CRACDL: variants seen among roughly 807,000 people sequenced by gnomAD.
The protein encoded by CRACDL is CRACD like.
Under a neutral mutation model 70.6 loss-of-function variants are expected in CRACDL, and 26 were observed. That is an observed-to-expected ratio of 0.37 (90% confidence interval 0.27 to 0.51). The LOEUF is 0.51. Ranked by LOEUF, CRACDL falls within the 20% of genes least tolerant of loss-of-function variation. The pLI, the probability that CRACDL is intolerant of heterozygous loss-of-function variation, is 0.94. For missense variants in CRACDL, 1,283 were observed against 1,376.9 expected, an observed-to-expected ratio of 0.93 and a Z score of 1.08; for synonymous variants, 618 against 615.2, an observed-to-expected ratio of 1.00 and a Z score of -0.07.
intron 1 of CRACDL, chr2:98,868,963 C>A: frequency 2.2e-6 from 1 of 461,914 alleles, no homozygotes; most frequent in Non-Finnish European, 4.0e-6. Flanking sequence ...ACAGACGCTG[C>A]AGATTTATCC....
intron 2 of CRACDL, among the ~76,000 whole-genome samples, chr2:98,842,000 G>A (rs1466496871): frequency 6.6e-6 from 1 of 151,830 alleles, no homozygotes; most frequent in African/African-American, 2.4e-5. Flanking sequence ...ATCCTCTTTG[G>A]TTTTCTGCAG....
rs550892285 is a variant in CRACDL, at chr2:98,854,080, G to A, written c.-10-7270C>T. Reference sequence around the variant, plus strand: ...GGGTGGATCACGAGGTCAGGAGTTCGAGACCAGTCTGGCCAACATGGTGAA... The same window carrying A: ...GGGTGGATCACGAGGTCAGGAGTTCAAGACCAGTCTGGCCAACATGGTGAA... On this transcript the variant is annotated intron_variant, in intron 1 of 9. Transcript: ENST00000397899. 1.8e-3 allele frequency among the ~76,000 whole-genome samples: 267 copies of A among 151,998 alleles called. 2 individuals are homozygous for A. Among genetic ancestry groups the A allele is most frequent in the Admixed American group, 3.3e-3 (50 of 15,260 alleles).
intron 2 of CRACDL, among the ~76,000 whole-genome samples, chr2:98,845,269 C>T (rs1021585809): frequency 6.0e-5 from 9 of 151,144 alleles, no homozygotes; most frequent in African/African-American, 1.9e-4. Flanking sequence ...TAATCATGGC[C>T]CACTGTAGCA....
chr2:98,898,421 G>A (rs1423078489), intron 1 of CRACDL, among the ~76,000 whole-genome samples: 6 of 152,210 alleles, frequency 3.9e-5, no homozygotes, highest in East Asian at 1.9e-4. Context: ...GAGAAATGTC[G>A]CAGAAGTTCA....
At chr2:98,896,634 G>A (rs560942700) in intron 1 of CRACDL, among the ~76,000 whole-genome samples, 95 of 152,268 alleles carry the variant, frequency 6.2e-4, no homozygotes, top group Non-Finnish European at 1.2e-3. Context: ...CCCTAGGCTG[G>A]GGATGTGTTT....
At chr2:98,921,112 C>T (rs1455091063) in intron 1 of CRACDL, among the ~76,000 whole-genome samples, 1 of 152,242 alleles carries the variant, frequency 6.6e-6, no homozygotes, top group Non-Finnish European at 1.5e-5. Context: ...AGCCGATCCT[C>T]TCTCCCTTGG....
chr2:98,795,075 A>T (rs868266050), intron 9 of CRACDL, among the ~76,000 whole-genome samples: 3,298 of 24,354 alleles, frequency 0.14, 491 homozygotes, highest in African/African-American at 0.2. Flanking sequence ...ATATATATAT[A>T]TATTTTTTTT....
intron 1 of CRACDL, among the ~76,000 whole-genome samples, chr2:98,885,897 T>C (rs779274410): frequency 6.9e-6 from 1 of 145,060 alleles, no homozygotes; most frequent in Non-Finnish European, 1.5e-5. Flanking sequence ...CTCTCCCCCA[T>C]GAAAATAATG....
chr2:98,915,378 T>A (rs1201583294), intron 1 of CRACDL, among the ~76,000 whole-genome samples: 1 of 152,162 alleles, frequency 6.6e-6, no homozygotes, highest in East Asian at 1.9e-4. Flanking sequence ...AGGCACCTCC[T>A]GGAACCCTCA....
intron 1 of CRACDL, among the ~76,000 whole-genome samples, chr2:98,923,916 T>A (rs573184028): frequency 6.6e-6 from 1 of 152,358 alleles, no homozygotes; most frequent in East Asian, 1.9e-4. Context: ...CCATCCTGGA[T>A]ATTGATCCTT....
intron 2 of CRACDL, among the ~76,000 whole-genome samples, chr2:98,846,254 T>G (rs1706247980): frequency 1.3e-5 from 2 of 152,126 alleles, no homozygotes; most frequent in Non-Finnish European, 2.9e-5. Context: ...AGAACTCAGC[T>G]CAGCAGACAA....
rs1705583331 is a variant in CRACDL at position 98,832,461 on chromosome 2, G to A, written c.427C>T (p.Leu143Phe). 6.2e-7 allele frequency: 1 copy of A among 1,613,544 alleles called. No homozygotes were observed. Among genetic ancestry groups the A allele is most frequent in the Non-Finnish European group, 8.5e-7 (1 of 1,179,684 alleles). The change falls in exon 5 of 10, where the codon CTT becomes TTT. Residue 143 changes from leucine to phenylalanine, a missense_variant. By Grantham distance (22) the Leu-to-Phe change is conservative (BLOSUM62 0). Around this residue, in one of 2 missense-constraint regions of CRACDL, gnomAD observed 362 missense variants for 495.0 expected, o/e 0.73. Transcript: ENST00000397899. ...KMGPPPPPGG[L>F]PAKRGEDAGM... ...GCATCCTCTCCCCGCTTGGCAGGAA[G>A]CCCCCCTGGAGGAGGTGGTGGCCCC...
chr2:98,797,886 G>A (rs1217487564), intron 7 of CRACDL, among the ~76,000 whole-genome samples: 1 of 152,048 alleles, frequency 6.6e-6, no homozygotes, highest in Non-Finnish European at 1.5e-5. Flanking sequence ...GTATGTACTG[G>A]TCCAAATGCT....
At position 98,894,195 on chromosome 2, in the gene CRACDL, C is replaced by T. The variant is rs182600073; in HGVS notation, c.-11+41743G>A. 8.5e-5 allele frequency among the ~76,000 whole-genome samples: 13 copies of T among 152,276 alleles called. No individual in the cohort carries two copies. The East Asian group carries it at 2.5e-3, about 29-fold the overall frequency. ...AAGACACTTCTTTCCAAGCGGAAAG[C>T]GATATTTTAGGTATAGGGGGAGGGA... On this transcript the variant is annotated intron_variant, in intron 1 of 9. Coordinates refer to ENST00000397899, the MANE Select transcript of CRACDL (RefSeq NM_207362.3).
chr2:98,865,695 A>G (rs1404018681), intron 1 of CRACDL, among the ~76,000 whole-genome samples: 2 of 152,064 alleles, frequency 1.3e-5, no homozygotes, highest in Non-Finnish European at 1.5e-5. Context: ...ATTATCCTCA[A>G]AAGCAGAGGG....
rs774681646 is a variant in CRACDL, at chr2:98,823,061, G to A, written c.1212C>T (p.Thr404=). 29 of 1,567,784 alleles carry A rather than the reference G, an allele frequency of 1.8e-5. No homozygotes were observed. In the African/African-American group the frequency reaches 3.5e-4, roughly 19 times the overall value. The part of the protein sequence containing the change: ...APEDVASPFP[T]AIPEGDTTPP... ...GAGTCGTGTCCCCCTCAGGGATGGCGGTGGGAAACGGGCTCGCGACGTCTT... is the reference window on the plus strand; with the variant it reads ...GAGTCGTGTCCCCCTCAGGGATGGCAGTGGGAAACGGGCTCGCGACGTCTT... Residue 404 remains threonine, a synonymous_variant, in exon 7 of 10, where the codon ACC becomes ACT. Transcript: ENST00000397899. The surrounding 1 kb of genome is among the most constrained non-coding windows in gnomAD (Gnocchi z 4.0).
Position 98,823,174 on chromosome 2 carries a change from C to A in CRACDL, c.1099G>T (p.Asp367Tyr). 6.6e-7 allele frequency: 1 copy of A among 1,520,524 alleles called. No individual in the cohort carries two copies. The allele number at this position is 1,520,524 out of a possible 1,614,324, so 94.2% of individuals were successfully genotyped here. A position where few individuals can be genotyped will look rare whatever the true frequency, so the allele number is the denominator to read the frequency against. Residue 367 changes from aspartate (D) to tyrosine (Y), a missense_variant, in exon 7 of 10, where the codon GAC (aspartate) becomes TAC (tyrosine). By Grantham distance (160) the Asp-to-Tyr change is radical. Coordinates refer to ENST00000397899, the MANE Select transcript of CRACDL (RefSeq NM_207362.3). This position sits in a 1 kb window ranked among gnomAD's most constrained non-coding sequence, Gnocchi z 4.0. ...PPEGPPNPGP[D>Y]GGKQDGEAPP... ...GCCTCCCCATCCTGCTTTCCGCCGT[C>A]GGGACCGGGATTCGGGGGGCCCTCC...
intron 1 of CRACDL, among the ~76,000 whole-genome samples, chr2:98,862,448 C>T (rs1038354340): frequency 9.2e-5 from 14 of 152,146 alleles, no homozygotes; most frequent in Admixed American, 1.3e-4. Context: ...AAATGATCTC[C>T]GAAAGACACC....
At chr2:98,905,805 C>T (rs931841737) in intron 1 of CRACDL, among the ~76,000 whole-genome samples, 10 of 152,078 alleles carry the variant, frequency 6.6e-5, no homozygotes, top group East Asian at 3.9e-4. Context: ...TTAGTAGAGA[C>T]AGGGTTTCGC....
Sources: gnomAD v4.1 joint callset for allele counts (sites outside exome capture counted in the v4.1 genomes callset) on GRCh38, gnomAD v4.1.1 for gene constraint, gnomAD v4.1.1 regional missense constraint, Gnocchi (gnomAD v3.1) non-coding constraint, MANE v1.5 for transcripts, NCBI Gene and HGNC (gene_info 2026-07-23, HGNC 2026-07-21) for gene names.